The following KBTBD8 variants were observed in gnomAD, a reference collection of about 807,000 sequenced individuals.
KBTBD8 encodes the protein kelch repeat and BTB domain containing 8.
In KBTBD8, 31 loss-of-function variants were observed where a neutral mutation model predicts 53.5. That is an observed-to-expected ratio of 0.58 (90% CI 0.44 to 0.78). KBTBD8 has a LOEUF of 0.78. Ranked by LOEUF, KBTBD8 falls within the 30% of genes least tolerant of loss-of-function variation. KBTBD8 has a pLI of 0.00. For missense variants in KBTBD8, 642 were observed against 735.8 expected, an observed-to-expected ratio of 0.87 and a Z score of 1.48; for synonymous variants, 250 against 247.3, an observed-to-expected ratio of 1.01 and a Z score of -0.10.
chr3:67,000,045 C>T (rs1269920200), intron 2 of KBTBD8, among the ~76,000 whole-genome samples: 6 of 152,188 alleles, frequency 3.9e-5, no homozygotes, highest in Non-Finnish European at 8.8e-5. Context: ...TCAGTATTCA[C>T]AAGTGGTGCA....
intron 2 of KBTBD8, among the ~76,000 whole-genome samples, chr3:67,001,392 T>G (rs1021385273): frequency 5.9e-5 from 9 of 152,200 alleles, no homozygotes; most frequent in Non-Finnish European, 1.3e-4. Flanking sequence ...TAGAAATTTT[T>G]TGCTGCTCTG....
chr3:67,005,005 T>G (rs1702052502), intron 3 of KBTBD8, among the ~76,000 whole-genome samples: 2 of 152,208 alleles, frequency 1.3e-5, no homozygotes, highest in Admixed American at 1.3e-4. Context: ...TTGTTTTGTT[T>G]TGTTTTCTGT....
Position 66,998,995 on chromosome 3 carries a change from T to A in KBTBD8, c.31T>A (p.Ser11Thr), listed in dbSNP as rs926696562. The A allele has an allele frequency of 6.2e-7, 1 of 1,607,098 alleles. No individual in the cohort carries two copies. Among genetic ancestry groups the A allele is most frequent in the Non-Finnish European group, 8.5e-7 (1 of 1,176,292 alleles). MAASADLSKS[S>T]PTPNGIPSSD... ...TCTCCTCCTAGATTTAAGTAAGTCT[T>A]CCCCAACACCGAATGGGATTCCATC... is the stretch of plus-strand genomic sequence containing the variant. The change falls in exon 2 of 4, where the codon TCC becomes ACC. Residue 11 changes from serine (S) to threonine (T), a missense_variant. By Grantham distance (58) the Ser-to-Thr change is moderately conservative (BLOSUM62 1). Coordinates refer to ENST00000417314, the MANE Select transcript of KBTBD8 (RefSeq NM_032505.3).
chr3:66,999,168 T>C lies in KBTBD8; in HGVS notation c.204T>C (p.Leu68=). The change falls in exon 2 of 4, where the codon CTT becomes CTC. Residue 68 remains leucine, a synonymous_variant. Transcript: ENST00000417314. ...CATTTTCCTGTCATAGAAACGTTCTTGCTGCAATCAGCCCTTACTTCAGGT... is the reference window on the plus strand; with the variant it reads ...CATTTTCCTGTCATAGAAACGTTCTCGCTGCAATCAGCCCTTACTTCAGGT... ...GKTFSCHRNV[L]AAISPYFRSM... 4 of 1,614,220 alleles carry C rather than the reference T, an allele frequency of 2.5e-6. No individual in the cohort carries two copies. The highest frequency in any genetic ancestry group is 3.4e-6 in the Non-Finnish European group (4 of 1,180,008).
intron 2 of KBTBD8, among the ~76,000 whole-genome samples, chr3:67,002,585 C>T (rs1401137550): frequency 7.0e-6 from 1 of 143,302 alleles, no homozygotes; most frequent in African/African-American, 2.6e-5. Context: ...TCACTGCAAC[C>T]TCCGCCTTCC....
intron 2 of KBTBD8, 115 bp downstream of exon 2, chr3:66,999,306 T>G: frequency 2.3e-6 from 2 of 859,876 alleles, no homozygotes; most frequent in Non-Finnish European, 3.8e-6. Context: ...CCAATGACTT[T>G]GTTTCTTGAG....
rs200154197 is a variant in KBTBD8, at chr3:67,004,252, G to T, written c.1285G>T (p.Val429Phe). ...TTGGACGACTGTTTGCGCGATGCCA[G>T]TTGCAATGGAATTTCATAATGCTGT... Reference protein sequence around the residue: ...NCWTTVCAMPVAMEFHNAVEY... With the variant: ...NCWTTVCAMPFAMEFHNAVEY... The change falls in exon 3 of 4, where the codon GTT (valine) becomes TTT (phenylalanine). Residue 429 changes from valine to phenylalanine, a missense_variant. Val to Phe is a conservative substitution (Grantham distance 50). Coordinates refer to ENST00000417314, the MANE Select transcript of KBTBD8 (RefSeq NM_032505.3). 7.9e-5 allele frequency: 128 copies of T among 1,614,076 alleles called. No homozygotes were observed. The highest frequency in any genetic ancestry group is 1.0e-4 in the Non-Finnish European group (122 of 1,180,022).
chr3:67,008,501 G>C lies in KBTBD8; in HGVS notation c.*116G>C, dbSNP rs1342743391. The stretch of plus-strand genomic sequence containing the variant: ...TGAGAGAGTTTTATACATGGAAAAT[G>C]GGTATGCTTAAAGATTGCAGGGTAG... On this transcript the variant is annotated 3_prime_UTR_variant, in exon 4 of 4. Coordinates refer to ENST00000417314, the MANE Select transcript of KBTBD8 (RefSeq NM_032505.3). The C allele has an allele frequency of 1.4e-6, 1 of 691,362 alleles. No homozygotes were observed. Among genetic ancestry groups the C allele is most frequent in the Non-Finnish European group, 2.4e-6 (1 of 425,110 alleles). 42.8% of individuals were successfully genotyped at this position (691,362 alleles called of 1,614,324 possible).
At chr3:67,002,638 G>T (rs1702027643) in intron 2 of KBTBD8, among the ~76,000 whole-genome samples, 1 of 151,026 alleles carries the variant, frequency 6.6e-6, no homozygotes, top group Non-Finnish European at 1.5e-5. Context: ...GAGTAGCTGG[G>T]ATTACAGGGA....
chr3:66,999,205 A>G lies in KBTBD8; in HGVS notation c.227+14A>G. 1 of 1,607,542 alleles carries G rather than the reference A, an allele frequency of 6.2e-7. No individual in the cohort carries two copies. Among genetic ancestry groups the G allele is most frequent in the Non-Finnish European group, 8.5e-7 (1 of 1,173,980 alleles). ...CCCTTACTTCAGGTATGATGATGGT[A>G]GGAACTTCTGTTGGTATCTGCACCA... is the stretch of plus-strand genomic sequence containing the variant. On this transcript the variant is annotated intron_variant, in intron 2 of 3. Transcript: ENST00000417314.
In KBTBD8 at chr3:67,008,550, T is replaced by C. The variant is rs1702090175; in HGVS notation, c.*165T>C. 1 of 528,852 alleles carries C rather than the reference T, an allele frequency of 1.9e-6. No individual in the cohort carries two copies. The highest frequency in any genetic ancestry group is 3.3e-5 in the Admixed American group (1 of 30,148). The allele number at this position is 528,852 out of a possible 1,614,324, so 32.8% of individuals were successfully genotyped here. A position where few individuals can be genotyped will look rare whatever the true frequency, so the allele number is the denominator to read the frequency against. Reference sequence around the variant, plus strand: ...AGGGAGGGATTTTCCTTCATCCTTGTGACATTTCATTTCAGTAAGGAAAAG... The same window carrying C: ...AGGGAGGGATTTTCCTTCATCCTTGCGACATTTCATTTCAGTAAGGAAAAG... On this transcript the variant is annotated 3_prime_UTR_variant, in exon 4 of 4. Coordinates refer to ENST00000417314, the MANE Select transcript of KBTBD8 (RefSeq NM_032505.3).
chr3:67,004,245 G>A lies in KBTBD8; in HGVS notation c.1278G>A (p.Ala426=), dbSNP rs781540410. The change falls in exon 3 of 4, where the codon GCG becomes GCA. Residue 426 remains alanine (A), a synonymous_variant. Transcript: ENST00000417314. ...SRENCWTTVC[A]MPVAMEFHNA... is the part of the protein sequence containing the mutation. The stretch of plus-strand genomic sequence containing the variant: ...AGAATTGTTGGACGACTGTTTGCGC[G>A]ATGCCAGTTGCAATGGAATTTCATA... 5.3e-5 allele frequency: 86 copies of A among 1,614,038 alleles called. No homozygotes were observed. The highest frequency in any genetic ancestry group is 2.2e-5 in the South Asian group (2 of 91,082).
intron 3 of KBTBD8, among the ~76,000 whole-genome samples, chr3:67,005,211 G>A (rs576885352): frequency 3.6e-4 from 54 of 151,970 alleles, no homozygotes; most frequent in African/African-American, 1.1e-3. Flanking sequence ...CTTATTCCTC[G>A]TATGTGTCTC....
chr3:67,008,414 G>A lies in KBTBD8; in HGVS notation c.*29G>A, dbSNP rs987379220. 11 of 1,439,318 alleles carry A rather than the reference G, an allele frequency of 7.6e-6. No homozygotes were observed. In the African/African-American group the frequency reaches 1.4e-4, roughly 19 times the overall value. 89.2% of individuals were successfully genotyped at this position (1,439,318 alleles called of 1,614,324 possible). Reference sequence around the variant, plus strand: ...AGTAGCAGGCCTTAGTGCATCACTGGCATCTCATTCTTAGGAAACTTGTCT... The same window carrying A: ...AGTAGCAGGCCTTAGTGCATCACTGACATCTCATTCTTAGGAAACTTGTCT... On this transcript the variant is annotated 3_prime_UTR_variant, in exon 4 of 4. Coordinates refer to ENST00000417314, the MANE Select transcript of KBTBD8 (RefSeq NM_032505.3).
intron 1 of KBTBD8, 97 bp downstream of exon 1, chr3:66,998,468 G>T: frequency 1.0e-6 from 1 of 962,510 alleles, no homozygotes. Context: ...TAGCGGTGCG[G>T]AGCTAGAGGG....
At chr3:67,002,678 T>C (rs373589480) in intron 2 of KBTBD8, among the ~76,000 whole-genome samples, 5 of 152,136 alleles carry the variant, frequency 3.3e-5, no homozygotes, top group East Asian at 1.9e-4. Context: ...AATTTTTTAT[T>C]TTAGTAGAGA....
At chr3:66,999,257 C>A in intron 2 of KBTBD8, 66 bp downstream of exon 2, 1 of 1,230,142 alleles carries the variant, frequency 8.1e-7, no homozygotes, top group Non-Finnish European at 1.2e-6. Context: ...CAGTATTGTC[C>A]ACTTGATGTT....
rs767573265 is a variant in KBTBD8, at chr3:67,007,964, G to T, written c.1385G>T (p.Gly462Val). The T allele has an allele frequency of 1.2e-6, 2 of 1,602,154 alleles. No individual in the cohort carries two copies. Among genetic ancestry groups the T allele is most frequent in the South Asian group, 1.1e-5 (1 of 89,336 alleles). The change falls in exon 4 of 4, where the codon GGT becomes GTT. Residue 462 changes from glycine (G) to valine (V), a missense_variant. Physicochemically the swap from Gly to Val is moderately radical, Grantham distance 109 (BLOSUM62 -3). Coordinates refer to ENST00000417314, the MANE Select transcript of KBTBD8 (RefSeq NM_032505.3). ...TATGAGCCTCAAAAAGACTACTGGG[G>T]TTTCTTAACCCCCATGACTGTGCCT... ...LFYEPQKDYW[G>V]FLTPMTVPRI...
Position 67,010,738 on chromosome 3 carries a change from G to A in KBTBD8, c.*2353G>A, listed in dbSNP as rs2106765616. On this transcript the variant is annotated 3_prime_UTR_variant, in exon 4 of 4. Coordinates refer to ENST00000417314, the MANE Select transcript of KBTBD8 (RefSeq NM_032505.3). ...TATTTAAGGTGCATTTTCATAGTGT[G>A]GTAAGACCTTAAGTAAAAGGCACAA... 1.3e-5 allele frequency: 2 copies of A among 149,750 alleles called. 1 individual carries two copies. The highest frequency in any genetic ancestry group is 6.8e-3 in the Middle Eastern group (2 of 292). 9.3% of individuals were successfully genotyped at this position (149,750 alleles called of 1,614,324 possible).
Sources: allele counts gnomAD v4.1 joint callset (sites outside exome capture counted in the v4.1 genomes callset), GRCh38; gene constraint gnomAD v4.1.1; transcripts MANE v1.5; gene names NCBI Gene and HGNC (gene_info 2026-07-23, HGNC 2026-07-21).